PRP4K: variants seen among roughly 807,000 people sequenced by gnomAD.
PRP4K encodes pre-mRNA processing factor kinase PRP4K.
the PRP4K span, among the ~76,000 whole-genome samples, chr6:4,053,050 A>G: frequency 6.6e-6 from 1 of 152,216 alleles, no homozygotes; most frequent in Non-Finnish European, 1.5e-5. Context: ...GTGAAATTTT[A>G]TTGACAAGTA....
the PRP4K span, chr6:4,032,440 G>C: frequency 9.3e-6 from 15 of 1,613,940 alleles, no homozygotes; most frequent in South Asian, 1.5e-4. Flanking sequence ...AGAAGGTCAC[G>C]GTCCAAAGAG....
At chr6:4,056,252 A>G in the PRP4K span, 11 of 1,136,788 alleles carry the variant, frequency 9.7e-6, no homozygotes, top group African/African-American at 8.2e-5. Flanking sequence ...TTCAAAGCCA[A>G]TAATTTTTAT....
chr6:4,056,734 C>T, the PRP4K span: 6 of 1,514,200 alleles, frequency 4.0e-6, no homozygotes, highest in South Asian at 6.7e-5. Context: ...TTGTTTTTTC[C>T]TGTTGCCTTG....
At chr6:4,044,520 T>G in the PRP4K span, among the ~76,000 whole-genome samples, 1 of 152,150 alleles carries the variant, frequency 6.6e-6, no homozygotes, top group African/African-American at 2.4e-5. Flanking sequence ...TTTTGACTGT[T>G]TTGTTAGGTG....
chr6:4,049,912 A>T, the PRP4K span: 1 of 1,607,800 alleles, frequency 6.2e-7, no homozygotes, highest in Admixed American at 1.7e-5. Flanking sequence ...AACCTTTAAC[A>T]GTACGGATAC....
chr6:4,061,172 G>A, the PRP4K span: 1 of 153,142 alleles, frequency 6.5e-6, no homozygotes, highest in African/African-American at 2.4e-5. Flanking sequence ...CAACATCTCT[G>A]GTGTTTTAAG....
the PRP4K span, among the ~76,000 whole-genome samples, chr6:4,035,371 T>G: frequency 7.0e-6 from 1 of 142,506 alleles, no homozygotes; most frequent in East Asian, 2.2e-4. Context: ...GGTCTCGAAC[T>G]CTTGACCTCA....
the PRP4K span, chr6:4,049,022 C>T: frequency 1.2e-6 from 2 of 1,611,272 alleles, no homozygotes; most frequent in Non-Finnish European, 1.7e-6. Flanking sequence ...TCAGAGTGCT[C>T]GTCTTCGGGC....
At chr6:4,025,499 A>T in the PRP4K span, among the ~76,000 whole-genome samples, 4 of 152,234 alleles carry the variant, frequency 2.6e-5, no homozygotes, top group African/African-American at 9.6e-5. Flanking sequence ...TAGCCCCTGT[A>T]TAAGAAAATG....
At chr6:4,029,010 A>ATTTTTTTTTTTTTT in the PRP4K span, among the ~76,000 whole-genome samples, 6 of 110,142 alleles carry the variant, frequency 5.4e-5, no homozygotes, top group Non-Finnish European at 9.9e-5. Context: ...TCTACTTGGA[A>ATTTTTTTTTTTTTT]TCTTTTTTTT....
chr6:4,037,557 TCTC>T, the PRP4K span: 9 of 1,613,526 alleles, frequency 5.6e-6, no homozygotes, highest in East Asian at 2.2e-5. Context: ...AAGAAGCAGA[TCTC>T]CTCGGAGAAG....
the PRP4K span, chr6:4,032,438 A>C: frequency 1.9e-6 from 3 of 1,614,186 alleles, no homozygotes; most frequent in Non-Finnish European, 2.5e-6. Context: ...ACAGAAGGTC[A>C]CGGTCCAAAG....
chr6:4,035,007 T>G, the PRP4K span, among the ~76,000 whole-genome samples: 1 of 151,820 alleles, frequency 6.6e-6, no homozygotes, highest in Non-Finnish European at 1.5e-5. Flanking sequence ...CACTGTTTAT[T>G]TTCATTGCAT....
At chr6:4,048,129 A>G in the PRP4K span, among the ~76,000 whole-genome samples, 4 of 152,172 alleles carry the variant, frequency 2.6e-5, no homozygotes, top group Admixed American at 1.3e-4. Context: ...CTGTAATCCC[A>G]GCACTTTGGG....
the PRP4K span, chr6:4,021,320 A>G: frequency 1 from 1,454,101 of 1,459,762 alleles, 724,237 homozygotes; most frequent in East Asian, 1. Flanking sequence ...TCTTCCCTAC[A>G]CGGTCGGCAC....
the PRP4K span, chr6:4,058,677 T>C: frequency 2.4e-6 from 3 of 1,276,320 alleles, no homozygotes; most frequent in South Asian, 2.4e-5. Context: ...AAATTGTTAG[T>C]AGGCCTGTTT....
chr6:4,059,376 C>A, the PRP4K span, among the ~76,000 whole-genome samples: 3 of 152,170 alleles, frequency 2.0e-5, no homozygotes, highest in Non-Finnish European at 4.4e-5. Context: ...CCCCAACCCC[C>A]TAAAAAATGT....
At chr6:4,033,343 A>G in the PRP4K span, among the ~76,000 whole-genome samples, 3 of 152,300 alleles carry the variant, frequency 2.0e-5, no homozygotes, top group East Asian at 5.8e-4. Flanking sequence ...AGAATAGTAT[A>G]TGAAATTATT....
At chr6:4,028,633 A>C in the PRP4K span, among the ~76,000 whole-genome samples, 2 of 152,154 alleles carry the variant, frequency 1.3e-5, no homozygotes, top group South Asian at 4.1e-4. Flanking sequence ...AGTCAACCCA[A>C]ATTAAAACCT....
Sources: allele counts gnomAD v4.1 joint callset (sites outside exome capture counted in the v4.1 genomes callset), GRCh38; gene constraint gnomAD v4.1.1; transcripts MANE v1.5; gene names NCBI Gene and HGNC (gene_info 2026-07-23, HGNC 2026-07-21).